TRMT9B: variants seen among roughly 807,000 people sequenced by gnomAD.
TRMT9B encodes the protein tRNA methyltransferase 9B (putative).
Under a neutral mutation model 11.5 loss-of-function variants are expected in TRMT9B, and 16 were observed. That is an observed-to-expected ratio of 1.39 (90% CI 0.94 to 2.11). The LOEUF (loss-of-function observed/expected upper bound fraction) is 2.11, where lower values mean the gene tolerates loss of function less well. Ranked by LOEUF, TRMT9B falls within the 30% of genes most tolerant of loss-of-function variation. The pLI is 0.00. For synonymous variants in TRMT9B, 274 were observed against 192.4 expected (o/e 1.42, Z -3.51); for missense variants, 941 against 553.8 (o/e 1.70, Z -7.02).
chr8:13,011,171 G>C (rs969997732), intron 3 of TRMT9B: 4 of 389,534 alleles, frequency 1.0e-5, no homozygotes, highest in Admixed American at 6.5e-5. Context: ...ATTTTTAGTA[G>C]AGAGGGGTTT....
chr8:13,021,941 G>A lies in TRMT9B; in HGVS notation c.1262G>A (p.Cys421Tyr). ...CATGTGTTTCGAGAAGGGGAGCTCT[G>A]CAGTCTGCTCAAGGAGAATGTGTCA... is the stretch of plus-strand genomic sequence containing the variant. ...YYHVFREGEL[C>Y]SLLKENVSEL... Residue 421 changes from cysteine (C) to tyrosine (Y), a missense_variant, in exon 5 of 5, where the codon TGC becomes TAC. By Grantham distance (194) the Cys-to-Tyr change is radical. Transcript: ENST00000524591. 1 of 1,613,740 alleles carries A rather than the reference G, an allele frequency of 6.2e-7. No homozygotes were observed. The highest frequency in any genetic ancestry group is 8.5e-7 in the Non-Finnish European group (1 of 1,179,848).
chr8:13,012,641 T>C (rs1345319081), intron 3 of TRMT9B, 43 bp from the exon 4 acceptor site: 1 of 1,540,970 alleles, frequency 6.5e-7, no homozygotes, highest in Non-Finnish European at 8.8e-7. Context: ...TATTTCACAT[T>C]TTCCATTGAG....
chr8:12,951,871 A>C (rs1800663327), intron 1 of TRMT9B: 1 of 151,876 alleles, frequency 6.6e-6, no homozygotes, highest in Admixed American at 6.6e-5. Context: ...AGGGCTAGCG[A>C]AGCACCCCCG....
At chr8:12,981,281 CGTT>C (rs1805328863) in intron 1 of TRMT9B, among the ~76,000 whole-genome samples, 1 of 152,216 alleles carries the variant, frequency 6.6e-6, no homozygotes. Flanking sequence ...GTCCTCCTCT[CGTT>C]GTCACAGAGA....
chr8:12,959,298 T>G (rs1211840722), intron 1 of TRMT9B, among the ~76,000 whole-genome samples: 4 of 152,166 alleles, frequency 2.6e-5, no homozygotes, highest in African/African-American at 9.7e-5. Flanking sequence ...ACACCTGACT[T>G]CACTTGACAG....
intron 1 of TRMT9B, among the ~76,000 whole-genome samples, chr8:12,966,197 G>T (rs994995839): frequency 6.6e-6 from 1 of 151,978 alleles, no homozygotes; most frequent in Non-Finnish European, 1.5e-5. Context: ...GCCTGGCATG[G>T]TGACCCATAC....
Position 13,029,483 on chromosome 8 carries a change from G to A in TRMT9B, c.*7439G>A, listed in dbSNP as rs1314426270. The A allele has an allele frequency of 1.2e-5, 2 of 166,946 alleles. No homozygotes were observed. The highest frequency in any genetic ancestry group is 2.9e-5 in the Non-Finnish European group (2 of 68,116). 10.3% of individuals were successfully genotyped at this position (166,946 alleles called of 1,614,324 possible). ...GGTGTAATTTGTGTGTTTATGATAT[G>A]TATTCAATTATTTAAGTTAAGTATC... On this transcript the variant is annotated 3_prime_UTR_variant, in exon 5 of 5. Transcript: ENST00000524591.
chr8:12,983,998 C>A (rs1162021114), intron 1 of TRMT9B, among the ~76,000 whole-genome samples: 2 of 152,112 alleles, frequency 1.3e-5, no homozygotes, highest in Non-Finnish European at 2.9e-5. Flanking sequence ...GATTGCTTAT[C>A]AGAAGCATAT....
chr8:13,014,627 TGTTGGTCTCAGAGGCCAC>T, intron 4 of TRMT9B, among the ~76,000 whole-genome samples: 1 of 152,300 alleles, frequency 6.6e-6, no homozygotes, highest in East Asian at 1.9e-4. Flanking sequence ...GGCTTCGACA[TGTTGGTCTCAGAGGCCAC>T]AAACATTCAG....
At chr8:13,010,885 A>G (rs1235713668) in intron 3 of TRMT9B, 35 of 965,930 alleles carry the variant, frequency 3.6e-5, no homozygotes, top group Non-Finnish European at 4.3e-5. Flanking sequence ...ACTTTTTCTC[A>G]TAATCATTAT....
chr8:12,955,580 G>A (rs1801189928), intron 1 of TRMT9B, among the ~76,000 whole-genome samples: 1 of 152,142 alleles, frequency 6.6e-6, no homozygotes, highest in Non-Finnish European at 1.5e-5. Flanking sequence ...TCTTAAAGGT[G>A]TAACTGCGAA....
intron 1 of TRMT9B, among the ~76,000 whole-genome samples, chr8:12,972,311 C>G (rs962455785): frequency 6.6e-6 from 1 of 152,160 alleles, no homozygotes; most frequent in Admixed American, 6.5e-5. Flanking sequence ...GGCTGGCCGG[C>G]TGGTGCGGAG....
At chr8:12,986,677 TC>T (rs1806368187) in intron 1 of TRMT9B, among the ~76,000 whole-genome samples, 1 of 152,244 alleles carries the variant, frequency 6.6e-6, no homozygotes, top group Non-Finnish European at 1.5e-5. Flanking sequence ...TTGTATTCTT[TC>T]TTCTTCCTTA....
chr8:12,957,048 G>C (rs147458046), intron 1 of TRMT9B, among the ~76,000 whole-genome samples: 1 of 152,276 alleles, frequency 6.6e-6, no homozygotes, highest in Non-Finnish European at 1.5e-5. Flanking sequence ...TAACAATAAG[G>C]TTATGATAGT....
chr8:12,952,737 T>TG (rs1563300880), intron 1 of TRMT9B: 2 of 962,638 alleles, frequency 2.1e-6, no homozygotes, highest in Non-Finnish European at 2.5e-6. Context: ...TTGCTATGTG[T>TG]GGGGTTTTTT....
chr8:12,985,020 T>C (rs1806039117), intron 1 of TRMT9B, among the ~76,000 whole-genome samples: 1 of 151,826 alleles, frequency 6.6e-6, no homozygotes, highest in Non-Finnish European at 1.5e-5. Flanking sequence ...CCAGATGTTA[T>C]CATGTTCATT....
rs33910775 is a variant in TRMT9B, at chr8:13,024,041, CT to C, written c.*2017del. On this transcript the variant is annotated 3_prime_UTR_variant, in exon 5 of 5. Transcript: ENST00000524591. Reference sequence around the variant, plus strand: ...AAAATTAATTTGGTTTCTTCTATTTCTTTTTTTTTTTTTTTTTTTTGAGACA... The same window carrying C: ...AAAATTAATTTGGTTTCTTCTATTTCTTTTTTTTTTTTTTTTTTTGAGACA... The C allele has an allele frequency of 7.2e-3, 830 of 115,202 alleles. 6 individuals are homozygous for C. The highest frequency in any genetic ancestry group is 0.026 in the African/African-American group (750 of 28,526). The allele number at this position is 115,202 out of a possible 1,614,324, so 7.1% of individuals were successfully genotyped here.
intron 2 of TRMT9B, among the ~76,000 whole-genome samples, chr8:13,001,014 A>G (rs1439280246): frequency 6.6e-6 from 1 of 152,170 alleles, no homozygotes; most frequent in Non-Finnish European, 1.5e-5. Context: ...CTAGAACTAG[A>G]ATATCATCTA....
chr8:12,983,010 G>T (rs1356998496), intron 1 of TRMT9B, among the ~76,000 whole-genome samples: 1 of 152,196 alleles, frequency 6.6e-6, no homozygotes, highest in African/African-American at 2.4e-5. Context: ...GGTTCCCCAC[G>T]ATGCCCCACA....
Sources: allele counts gnomAD v4.1 joint callset (sites outside exome capture counted in the v4.1 genomes callset), GRCh38; gene constraint gnomAD v4.1.1; transcripts MANE v1.5; gene names NCBI Gene and HGNC (gene_info 2026-07-23, HGNC 2026-07-21).